Variants in PHACTR2 observed in about 807,000 individuals in gnomAD.
PHACTR2 encodes chromosome 6 open reading frame 56.
In PHACTR2, 30 loss-of-function variants were observed where a neutral mutation model predicts 76.0. That is an observed-to-expected ratio of 0.39 (90% CI 0.30 to 0.54). PHACTR2 has a LOEUF of 0.54. Among genes scored for constraint, PHACTR2 ranks in the 20% least tolerant of loss-of-function variants. The pLI is 0.61. For synonymous variants in PHACTR2, 292 were observed against 292.5 expected (o/e 1.00, Z 0.02); for missense variants, 696 against 781.1 (o/e 0.89, Z 1.30).
chr6:143,683,919 A>G lies in PHACTR2; in HGVS notation c.46+5710A>G, dbSNP rs1201964460. Among the ~76,000 whole-genome samples the G allele has an allele frequency of 6.6e-6, 1 of 152,180 alleles. No individual in the cohort carries two copies. The highest frequency in any genetic ancestry group is 1.9e-4 in the East Asian group (1 of 5,192). ...GATATATCTTTATCAGCAGTCAAAC[A>G]AGACATACTATACTTACTGCTCTAT... On this transcript the variant is annotated intron_variant, in intron 1 of 12. Transcript: ENST00000440869. This position sits in a 1 kb window ranked among gnomAD's most constrained non-coding sequence, Gnocchi z 4.1.
chr6:143,737,879 G>A (rs1344272420), intron 2 of PHACTR2, among the ~76,000 whole-genome samples: 2 of 152,302 alleles, frequency 1.3e-5, no homozygotes, highest in Non-Finnish European at 2.9e-5. Flanking sequence ...CTGTTGTGTA[G>A]GCAAGATGGT....
rs1234926732 is a variant in PHACTR2, at chr6:143,825,774, A to G, written c.*2085A>G. 1.3e-5 allele frequency: 2 copies of G among 152,174 alleles called. No homozygotes were observed. The highest frequency in any genetic ancestry group is 1.3e-4 in the Admixed American group (2 of 15,276). 9.4% of individuals were successfully genotyped at this position (152,174 alleles called of 1,614,324 possible). A position where few individuals can be genotyped will look rare whatever the true frequency, so the allele number is the denominator to read the frequency against. ...AAATTTCTAACCACAAGACCTCTCT[A>G]TAATGGTAAATGTAAGACATCACCA... On this transcript the variant is annotated 3_prime_UTR_variant, in exon 13 of 13. Transcript: ENST00000440869. This position sits in a 1 kb window ranked among gnomAD's most constrained non-coding sequence, Gnocchi z 4.1.
chr6:143,578,819 A>C lies in PHACTR2; in HGVS notation c.217+41612A>C, dbSNP rs1775543195. 1.3e-5 allele frequency among the ~76,000 whole-genome samples: 2 copies of C among 152,212 alleles called. No homozygotes were observed. Among genetic ancestry groups the C allele is most frequent in the Non-Finnish European group, 2.9e-5 (2 of 68,040 alleles). ...AAGATGAGGGAGAAGACGATGACCAAGTGGAATAACGTATTTTCAAAAATG... is the reference window on the plus strand; with the variant it reads ...AAGATGAGGGAGAAGACGATGACCACGTGGAATAACGTATTTTCAAAAATG... On this transcript the variant is annotated intron_variant, in intron 1 of 11. Transcript: ENST00000367584. The surrounding 1 kb of genome is among the most constrained non-coding windows in gnomAD (Gnocchi z 4.5).
intron 4 of PHACTR2, among the ~76,000 whole-genome samples, chr6:143,759,804 A>C (rs1779393098): frequency 6.6e-6 from 1 of 152,164 alleles, no homozygotes. Context: ...ATTCATTCTA[A>C]AGCGCATTGT....
At chr6:143,650,990 C>CA (rs202087638) in intron 1 of PHACTR2, among the ~76,000 whole-genome samples, 3,318 of 150,388 alleles carry the variant, frequency 0.022, 50 homozygotes, top group Middle Eastern at 0.038. Flanking sequence ...ACAAATTTAC[C>CA]AAAAAAAACA....
In PHACTR2 at chr6:143,608,414, C is replaced by A; in HGVS notation, c.13+92C>A. 2.3e-6 allele frequency: 3 copies of A among 1,305,406 alleles called. No homozygotes were observed. Among genetic ancestry groups the A allele is most frequent in the South Asian group, 1.2e-5 (1 of 82,820 alleles). 80.9% of individuals were successfully genotyped at this position (1,305,406 alleles called of 1,614,324 possible). A position where few individuals can be genotyped will look rare whatever the true frequency, so the allele number is the denominator to read the frequency against. On this transcript the variant is annotated intron_variant, in intron 1 of 11. Transcript: ENST00000305766. The surrounding 1 kb of genome is among the most constrained non-coding windows in gnomAD (Gnocchi z 4.6). The stretch of plus-strand genomic sequence containing the variant: ...GGAAGGTTTGCCTATTTGTTGCTCT[C>A]GTTTTGCACTTAAATGTTCAAGACT...
In PHACTR2 at chr6:143,684,675, T is replaced by G. The variant is rs1006604001; in HGVS notation, c.46+6466T>G. Reference sequence around the variant, plus strand: ...CACCACTGAATATCAGGGTCACTCTTAGCCCATAGCCTCGTGAGAATTAGA... The same window carrying G: ...CACCACTGAATATCAGGGTCACTCTGAGCCCATAGCCTCGTGAGAATTAGA... On this transcript the variant is annotated intron_variant, in intron 1 of 12. Coordinates refer to ENST00000440869, the MANE Select transcript of PHACTR2 (RefSeq NM_001100164.2). The surrounding 1 kb of genome is among the most constrained non-coding windows in gnomAD (Gnocchi z 4.3). 6.6e-6 allele frequency among the ~76,000 whole-genome samples: 1 copy of G among 152,240 alleles called. No homozygotes were observed.
intron 1 of PHACTR2, among the ~76,000 whole-genome samples, chr6:143,667,944 TC>T (rs1361719346): frequency 6.6e-6 from 1 of 152,214 alleles, no homozygotes; most frequent in African/African-American, 2.4e-5. Flanking sequence ...AGAGAGGGCA[TC>T]CTTGTCTTGT....
chr6:143,546,123 A>G lies in PHACTR2; in HGVS notation c.217+8916A>G, dbSNP rs1774990717. Among the ~76,000 whole-genome samples the G allele has an allele frequency of 2.6e-5, 4 of 152,242 alleles. No individual in the cohort carries two copies. Among genetic ancestry groups the G allele is most frequent in the African/African-American group, 9.6e-5 (4 of 41,472 alleles). On this transcript the variant is annotated intron_variant, in intron 1 of 11. Transcript: ENST00000367584. This position sits in a 1 kb window ranked among gnomAD's most constrained non-coding sequence, Gnocchi z 4.9. Reference sequence around the variant, plus strand: ...ACATTGAAGCAGCTTTAGTGTTTTTAAAATACCATGCTGAGTGACTCATTA... The same window carrying G: ...ACATTGAAGCAGCTTTAGTGTTTTTGAAATACCATGCTGAGTGACTCATTA...
At position 143,822,230 on chromosome 6, in the gene PHACTR2, G is replaced by T. The variant is rs1222379285; in HGVS notation, c.1923-1444G>T. ...TTGTTAAGGGACAGGGTCTTACTAT[G>T]TGCCCAGACTTGTCTTGAACTCCTG... On this transcript the variant is annotated intron_variant, in intron 12 of 12. Coordinates refer to ENST00000440869, the MANE Select transcript of PHACTR2 (RefSeq NM_001100164.2). The surrounding 1 kb of genome is among the most constrained non-coding windows in gnomAD (Gnocchi z 5.5). 6.6e-6 allele frequency among the ~76,000 whole-genome samples: 1 copy of T among 152,124 alleles called. No homozygotes were observed. The highest frequency in any genetic ancestry group is 2.4e-5 in the African/African-American group (1 of 41,420).
Position 143,689,740 on chromosome 6 carries a change from T to G in PHACTR2, c.46+11531T>G, listed in dbSNP as rs1226914386. Among the ~76,000 whole-genome samples, 1 of 150,388 alleles carries G rather than the reference T, an allele frequency of 6.6e-6. No homozygotes were observed. The highest frequency in any genetic ancestry group is 1.5e-5 in the Non-Finnish European group (1 of 67,794). On this transcript the variant is annotated intron_variant, in intron 1 of 12. Transcript: ENST00000440869. The surrounding 1 kb of genome is among the most constrained non-coding windows in gnomAD (Gnocchi z 4.4). Reference sequence around the variant, plus strand: ...TGGAGTGTCGCTCTGTTGCCCAGGCTGGAGTGCAGTGGCCTGATTTCAGCT... The same window carrying G: ...TGGAGTGTCGCTCTGTTGCCCAGGCGGGAGTGCAGTGGCCTGATTTCAGCT...
intron 1 of PHACTR2, among the ~76,000 whole-genome samples, chr6:143,636,405 T>G (rs1025851384): frequency 1.3e-5 from 2 of 152,206 alleles, no homozygotes; most frequent in Admixed American, 1.3e-4. Flanking sequence ...TCTGATTCAT[T>G]TGAAGTATCA....
At chr6:143,701,144 T>A (rs886289323) in intron 1 of PHACTR2, among the ~76,000 whole-genome samples, 17 of 152,222 alleles carry the variant, frequency 1.1e-4, no homozygotes, top group Admixed American at 2.0e-4. Flanking sequence ...GTTGTTCATG[T>A]CAGTGAATCA....
At chr6:143,593,337 G>A (rs1290181789) in intron 1 of PHACTR2, among the ~76,000 whole-genome samples, 3 of 151,550 alleles carry the variant, frequency 2.0e-5, no homozygotes, top group Non-Finnish European at 4.4e-5. Flanking sequence ...AAACACAGGG[G>A]GTGTCTAACT....
At chr6:143,626,973 G>C (rs1297494960) in intron 1 of PHACTR2, among the ~76,000 whole-genome samples, 3 of 152,174 alleles carry the variant, frequency 2.0e-5, no homozygotes, top group Non-Finnish European at 2.9e-5. Context: ...AAACTAAAAC[G>C]TTAGGTTGAT....
At chr6:143,734,081 AT>A (rs1778766148) in intron 2 of PHACTR2, among the ~76,000 whole-genome samples, 1 of 152,048 alleles carries the variant, frequency 6.6e-6, no homozygotes, top group Non-Finnish European at 1.5e-5. Context: ...ATTATGGCCC[AT>A]CTTTTTATTT....
In PHACTR2 at chr6:143,757,998, G is replaced by C. The variant is rs1353114524; in HGVS notation, c.455-2403G>C. Among the ~76,000 whole-genome samples the C allele has an allele frequency of 6.6e-6, 1 of 151,072 alleles. No homozygotes were observed. Among genetic ancestry groups the C allele is most frequent in the Non-Finnish European group, 1.5e-5 (1 of 67,916 alleles). ...ACACACACACACACACATAACTTAA[G>C]AATTACCAGAATGACAAATGTTCAC... On this transcript the variant is annotated intron_variant, in intron 4 of 12. Transcript: ENST00000440869. This position sits in a 1 kb window ranked among gnomAD's most constrained non-coding sequence, Gnocchi z 4.2.
intron 1 of PHACTR2, among the ~76,000 whole-genome samples, chr6:143,629,845 G>A (rs1582716338): frequency 6.6e-6 from 1 of 152,134 alleles, no homozygotes; most frequent in East Asian, 1.9e-4. Flanking sequence ...GCTCAGCTTC[G>A]TTTGGAGTGT....
In PHACTR2 at chr6:143,807,034, TA is replaced by T; in HGVS notation, c.1846-22del. The T allele has an allele frequency of 7.5e-7, 1 of 1,340,240 alleles. No homozygotes were observed. Among genetic ancestry groups the T allele is most frequent in the Non-Finnish European group, 1.1e-6 (1 of 935,580 alleles). The allele number at this position is 1,340,240 out of a possible 1,614,324, so 83.0% of individuals were successfully genotyped here. A position where few individuals can be genotyped will look rare whatever the true frequency, so the allele number is the denominator to read the frequency against. ...ATATGACCTAAATAACAGTTCTGTT[TA>T]TCTATTTTTTTTCCTGTTTAGGCAG... On this transcript the variant is annotated intron_variant, in intron 11 of 12. Transcript: ENST00000440869. The surrounding 1 kb of genome is among the most constrained non-coding windows in gnomAD (Gnocchi z 5.5).
Sources: gnomAD v4.1 joint callset for allele counts (sites outside exome capture counted in the v4.1 genomes callset) on GRCh38, gnomAD v4.1.1 for gene constraint, Gnocchi (gnomAD v3.1) non-coding constraint, MANE v1.5 for transcripts, NCBI Gene and HGNC (gene_info 2026-07-23, HGNC 2026-07-21) for gene names.